NALCN: variants seen among roughly 807,000 people sequenced by gnomAD.
NALCN encodes sodium leak channel NALCN.
Under a neutral mutation model 225.3 loss-of-function variants are expected in NALCN, and 111 were observed. The ratio of observed to expected loss-of-function variants is 0.49; its 90% CI spans 0.42 to 0.58. NALCN has a LOEUF of 0.58. Among genes scored for constraint, NALCN ranks in the 20% least tolerant of loss-of-function variants. NALCN has a pLI of 0.00. For synonymous variants in NALCN, 764 were observed against 769.0 expected (o/e 0.99, Z 0.11); for missense variants, 1,378 against 2,202.4 (o/e 0.63, Z 7.49).
At chr13:101,103,958 C>A (rs2034964013) in intron 25 of NALCN, among the ~76,000 whole-genome samples, 2 of 151,616 alleles carry the variant, frequency 1.3e-5, no homozygotes, top group South Asian at 4.2e-4. Context: ...TTATATGAGG[C>A]AAACTTTTTT....
intron 17 of NALCN, among the ~76,000 whole-genome samples, chr13:101,141,774 T>C (rs1269732189): frequency 6.6e-6 from 1 of 151,324 alleles, no homozygotes; most frequent in Non-Finnish European, 1.5e-5. Flanking sequence ...AGAAAGAAGA[T>C]CCTGGAGGAT....
At chr13:101,215,590 T>C (rs2040698222) in intron 13 of NALCN, among the ~76,000 whole-genome samples, 1 of 152,120 alleles carries the variant, frequency 6.6e-6, no homozygotes, top group Non-Finnish European at 1.5e-5. Flanking sequence ...CAGAGGGTTG[T>C]TCCTTAGGGT....
At chr13:101,116,583 C>A in intron 18 of NALCN, 1 of 511,014 alleles carries the variant, frequency 2.0e-6, no homozygotes, top group Non-Finnish European at 3.9e-6. Context: ...GTGGAAAAAG[C>A]CTATACATTC....
In NALCN at chr13:101,087,560, A is replaced by C. The variant is rs148931013; in HGVS notation, c.3489+2103T>G. Among the ~76,000 whole-genome samples the C allele has an allele frequency of 7.1e-4, 108 of 152,250 alleles. 1 individual carries two copies. Among genetic ancestry groups the C allele is most frequent in the African/African-American group, 2.4e-3 (101 of 41,556 alleles). On this transcript the variant is annotated intron_variant, in intron 30 of 43. Transcript: ENST00000251127. ...TAGCAATTGATATCTCCAATTAACA[A>C]ATCAAGTTTGTAAAGCTTGGTAATA...
intron 6 of NALCN, among the ~76,000 whole-genome samples, chr13:101,350,834 T>C (rs901605810): frequency 2.0e-5 from 3 of 152,206 alleles, no homozygotes; most frequent in Non-Finnish European, 4.4e-5. Context: ...GTCACTGGCC[T>C]ACCACATCTT....
At chr13:101,285,505 CT>C (rs948085909) in intron 9 of NALCN, among the ~76,000 whole-genome samples, 1 of 151,904 alleles carries the variant, frequency 6.6e-6, no homozygotes, top group Admixed American at 6.6e-5. Context: ...AGGGTTTCAG[CT>C]TGTTGTCCAG....
chr13:101,130,411 T>C (rs2036460136), intron 17 of NALCN, among the ~76,000 whole-genome samples: 1 of 152,246 alleles, frequency 6.6e-6, no homozygotes. Context: ...GTTGTCCTTA[T>C]GTAGTTAGTT....
intron 1 of NALCN, among the ~76,000 whole-genome samples, chr13:101,403,585 A>T (rs2047536915): frequency 6.6e-6 from 1 of 152,270 alleles, no homozygotes; most frequent in Admixed American, 6.5e-5. Context: ...TACAACTTGT[A>T]TAAAATGAAA....
chr13:101,059,700 C>CTATT, intron 42 of NALCN, 118 bp downstream of exon 42: 6 of 810,640 alleles, frequency 7.4e-6, no homozygotes, highest in East Asian at 2.9e-5. Context: ...GAAAATATTC[C>CTATT]TATTAGAAAT....
At position 101,104,550 on chromosome 13, in the gene NALCN, T is replaced by C; in HGVS notation, c.2737A>G (p.Met913Val). The C allele has an allele frequency of 1.2e-6, 2 of 1,614,010 alleles. No individual in the cohort carries two copies. The highest frequency in any genetic ancestry group is 1.1e-5 in the South Asian group (1 of 91,080). ...GGTACCTGCAAAGTAGGTGCATGCA[T>C]GACTCTTCGAAACGGGGACTCAAAC... ...MMFESPFRRV[M>V]HAPTLQIAEY... The change falls in exon 24 of 44, where the codon ATG becomes GTG. Residue 913 changes from methionine (M) to valine (V), a missense_variant. By Grantham distance (21) the Met-to-Val change is conservative. Transcript: ENST00000251127. The surrounding 1 kb of genome is among the most constrained non-coding windows in gnomAD (Gnocchi z 4.2).
chr13:101,392,958 T>C (rs1334541072), intron 3 of NALCN, among the ~76,000 whole-genome samples: 1 of 152,150 alleles, frequency 6.6e-6, no homozygotes, highest in Non-Finnish European at 1.5e-5. Context: ...ACCAAGAATG[T>C]GCAAAATCTG....
chr13:101,339,907 C>G (rs924205212), intron 7 of NALCN, among the ~76,000 whole-genome samples: 1 of 152,034 alleles, frequency 6.6e-6, no homozygotes, highest in Non-Finnish European at 1.5e-5. Flanking sequence ...TTCTAGAATG[C>G]TAGTCATTGA....
intron 6 of NALCN, among the ~76,000 whole-genome samples, chr13:101,360,557 A>G (rs894200271): frequency 6.6e-6 from 1 of 152,120 alleles, no homozygotes; most frequent in African/African-American, 2.4e-5. Flanking sequence ...CTTTATAGCA[A>G]TGAAAGAATG....
chr13:101,360,144 CTT>C (rs770223959), intron 6 of NALCN, among the ~76,000 whole-genome samples: 2 of 138,462 alleles, frequency 1.4e-5, no homozygotes, highest in Admixed American at 7.0e-5. Flanking sequence ...TTCTTTCTCT[CTT>C]TTTTTCTTTC....
intron 7 of NALCN, among the ~76,000 whole-genome samples, chr13:101,296,274 A>T (rs1049626769): frequency 6.6e-6 from 1 of 152,222 alleles, no homozygotes; most frequent in Non-Finnish European, 1.5e-5. Context: ...ATTGTTGATA[A>T]ATTAAACAAT....
At chr13:101,341,561 G>C (rs1427136239) in intron 7 of NALCN, among the ~76,000 whole-genome samples, 1 of 152,036 alleles carries the variant, frequency 6.6e-6, no homozygotes, top group Non-Finnish European at 1.5e-5. Context: ...TCAGTGCTCT[G>C]TTTCCTACTA....
intron 16 of NALCN, among the ~76,000 whole-genome samples, chr13:101,143,481 T>TTTTA: frequency 6.6e-6 from 1 of 152,008 alleles, no homozygotes; most frequent in Non-Finnish European, 1.5e-5. Context: ...TTTTTTTTTT[T>TTTTA]GAGACGGAGT....
At position 101,055,283 on chromosome 13, in the gene NALCN, A is replaced by G. The variant is rs368331200; in HGVS notation, c.*12T>C. ...TTTCCACCACTAGAAATTCATCTAC[A>G]TTGACATCCACCTAAATATCCAGAA... On this transcript the variant is annotated 3_prime_UTR_variant, in exon 44 of 44. Transcript: ENST00000251127. 247 of 1,606,884 alleles carry G rather than the reference A, an allele frequency of 1.5e-4. 2 individuals carry two copies. The South Asian group carries it at 2.2e-3, about 15-fold the overall frequency.
chr13:101,095,199 T>A (rs1357406548), intron 28 of NALCN, among the ~76,000 whole-genome samples: 1 of 152,192 alleles, frequency 6.6e-6, no homozygotes, highest in Admixed American at 6.5e-5. Flanking sequence ...AGGGTTCTAT[T>A]ATGAGGACAT....
Sources: gnomAD v4.1 joint callset for allele counts (sites outside exome capture counted in the v4.1 genomes callset) on GRCh38, gnomAD v4.1.1 for gene constraint, Gnocchi (gnomAD v3.1) non-coding constraint, MANE v1.5 for transcripts, NCBI Gene and HGNC (gene_info 2026-07-23, HGNC 2026-07-21) for gene names.